Variants in DPYSL3 observed in about 807,000 individuals in gnomAD.
DPYSL3 encodes dihydropyrimidinase like 3, also known as dihydropyrimidinase-related protein 3.
In DPYSL3, 16 loss-of-function variants were observed where a neutral mutation model predicts 66.1. The observed-to-expected ratio is 0.24, with a 90% CI of 0.16 to 0.37. The LOEUF (loss-of-function observed/expected upper bound fraction) is 0.37. DPYSL3 is among the 10% of genes least tolerant of loss of function. The pLI is 1.00. For missense variants in DPYSL3, 738 were observed against 916.2 expected (o/e 0.81, Z 2.51); for synonymous variants, 338 against 345.1 (o/e 0.98, Z 0.23).
rs374457174 is a variant in DPYSL3, at chr5:147,405,764, C to T, written c.1033-34G>A. The T allele has an allele frequency of 1.8e-5, 29 of 1,592,750 alleles. No homozygotes were observed. In the African/African-American group the frequency reaches 3.6e-4, roughly 20 times the overall value. ...AAAAGTCTCCAGGAGTCAATAGAAA[C>T]ATGAACCTCTCAAACTGGTGGCTCC... On this transcript the variant is annotated intron_variant, in intron 7 of 13. Coordinates refer to ENST00000343218, the MANE Select transcript of DPYSL3 (RefSeq NM_001197294.2).
intron 1 of DPYSL3, among the ~76,000 whole-genome samples, chr5:147,468,312 A>T (rs1279207201): frequency 4.6e-5 from 7 of 152,240 alleles, no homozygotes; most frequent in Admixed American, 3.3e-4. Flanking sequence ...AATCACTTGT[A>T]GAGCTAGCTT....
chr5:147,507,292 C>G (rs1288857476), intron 1 of DPYSL3, among the ~76,000 whole-genome samples: 2 of 151,254 alleles, frequency 1.3e-5, no homozygotes, highest in South Asian at 2.1e-4. Context: ...TTCCAAAGGT[C>G]AGAACTAAGA....
intron 1 of DPYSL3, among the ~76,000 whole-genome samples, chr5:147,425,207 T>C (rs2126331215): frequency 6.6e-6 from 1 of 152,360 alleles, no homozygotes; most frequent in Middle Eastern, 3.4e-3. Context: ...TGTATTAATA[T>C]TATAGCCACC....
intron 12 of DPYSL3, among the ~76,000 whole-genome samples, chr5:147,397,091 A>G (rs1371828890): frequency 6.8e-6 from 1 of 148,144 alleles, no homozygotes; most frequent in African/African-American, 2.4e-5. Context: ...TAATACATAT[A>G]TTGTAAATAT....
chr5:147,396,348 G>A (rs1057051896), intron 12 of DPYSL3, among the ~76,000 whole-genome samples: 2 of 152,190 alleles, frequency 1.3e-5, no homozygotes, highest in Non-Finnish European at 2.9e-5. Context: ...TAGGCCTTGT[G>A]CCAGGCACTA....
At chr5:147,434,900 T>C (rs1297380091) in intron 1 of DPYSL3, among the ~76,000 whole-genome samples, 1 of 152,228 alleles carries the variant, frequency 6.6e-6, no homozygotes, top group African/African-American at 2.4e-5. Context: ...TGAGTTCTAA[T>C]GTAAACTGGA....
chr5:147,505,450 G>C (rs539816361), intron 1 of DPYSL3, among the ~76,000 whole-genome samples: 1 of 152,252 alleles, frequency 6.6e-6, no homozygotes, highest in Admixed American at 6.5e-5. Flanking sequence ...TGGCTAGGCT[G>C]TTCTCAAACT....
chr5:147,448,017 CA>C (rs1191681143), intron 1 of DPYSL3, among the ~76,000 whole-genome samples: 1 of 152,086 alleles, frequency 6.6e-6, no homozygotes, highest in Admixed American at 6.5e-5. Context: ...ATGTAATAAG[CA>C]AACACAAATG....
intron 1 of DPYSL3, among the ~76,000 whole-genome samples, chr5:147,498,563 T>C (rs764988498): frequency 2.0e-5 from 3 of 152,160 alleles, no homozygotes; most frequent in Non-Finnish European, 2.9e-5. Context: ...CAACAGTGTA[T>C]AAGCATTCCT....
At chr5:147,405,215 T>G (rs1758297453) in intron 8 of DPYSL3, among the ~76,000 whole-genome samples, 1 of 152,132 alleles carries the variant, frequency 6.6e-6, no homozygotes, top group Admixed American at 6.5e-5. Flanking sequence ...CTACAATCGG[T>G]TATTCACTTG....
intron 1 of DPYSL3, among the ~76,000 whole-genome samples, chr5:147,450,733 C>A (rs1244269689): frequency 6.6e-6 from 1 of 152,120 alleles, no homozygotes; most frequent in African/African-American, 2.4e-5. Context: ...AACAACCAAT[C>A]CTATCTTGGA....
rs535573574 is a variant in DPYSL3 at position 147,458,097 on chromosome 5, C to T, written c.382-33134G>A. 3.3e-5 allele frequency among the ~76,000 whole-genome samples: 5 copies of T among 152,284 alleles called. No homozygotes were observed. In the East Asian group the frequency reaches 7.7e-4, roughly 24 times the overall value. On this transcript the variant is annotated intron_variant, in intron 1 of 13. Transcript: ENST00000343218. ...GTCAGAGGCGTGTTAACCAGAGCAA[C>T]TCCATCTTGAATAGGAGCTGTGTAA...
intron 1 of DPYSL3, among the ~76,000 whole-genome samples, chr5:147,458,453 A>G (rs137869646): frequency 5.2e-4 from 79 of 152,338 alleles, no homozygotes; most frequent in African/African-American, 1.8e-3. Context: ...GAATCATAAA[A>G]ACAGGCAACC....
At chr5:147,419,797 G>A (rs1262396144) in intron 2 of DPYSL3, among the ~76,000 whole-genome samples, 1 of 152,078 alleles carries the variant, frequency 6.6e-6, no homozygotes, top group Non-Finnish European at 1.5e-5. Flanking sequence ...TCACCACTGG[G>A]CCATTCCAGA....
At chr5:147,422,467 G>A (rs1000184252) in intron 2 of DPYSL3, among the ~76,000 whole-genome samples, 3 of 152,274 alleles carry the variant, frequency 2.0e-5, no homozygotes, top group African/African-American at 4.8e-5. Flanking sequence ...TCTAGAACCA[G>A]AAATAGCATT....
chr5:147,450,747 A>T (rs1490344326), intron 1 of DPYSL3, among the ~76,000 whole-genome samples: 1 of 152,202 alleles, frequency 6.6e-6, no homozygotes, highest in Non-Finnish European at 1.5e-5. Context: ...TCTTGGACCC[A>T]AAACAGTGGT....
intron 1 of DPYSL3, among the ~76,000 whole-genome samples, chr5:147,478,601 G>T (rs776696479): frequency 6.6e-5 from 10 of 152,120 alleles, no homozygotes; most frequent in Non-Finnish European, 1.3e-4. Context: ...AGTGTTTCAG[G>T]TTCCTGAGCA....
At chr5:147,401,731 T>TA in intron 8 of DPYSL3, 35 bp from the exon 9 acceptor site, 1 of 1,612,984 alleles carries the variant, frequency 6.2e-7, no homozygotes, top group South Asian at 1.1e-5. Flanking sequence ...GGGGTTAGCA[T>TA]AAAGTATATG....
intron 1 of DPYSL3, among the ~76,000 whole-genome samples, chr5:147,440,076 G>A (rs1752504082): frequency 6.6e-6 from 1 of 152,154 alleles, no homozygotes; most frequent in South Asian, 2.1e-4. Flanking sequence ...GCCGAGGCAG[G>A]CAGATCACGA....
Sources: allele counts gnomAD v4.1 joint callset (sites outside exome capture counted in the v4.1 genomes callset), GRCh38; gene constraint gnomAD v4.1.1; transcripts MANE v1.5; gene names NCBI Gene and HGNC (gene_info 2026-07-23, HGNC 2026-07-21).